SCRG1: variants seen among roughly 807,000 people sequenced by gnomAD.
SCRG1 encodes the protein scrapie-responsive protein 1.
SCRG1 carries 3 observed loss-of-function variants against 7.7 expected under a neutral mutation model. The ratio of observed to expected loss-of-function variants is 0.39; its 90% CI spans 0.18 to 1.01. The LOEUF is 1.01. SCRG1 is among the 50% of genes least tolerant of loss of function. SCRG1 has a pLI of 0.36. For missense variants in SCRG1, 110 were observed against 117.2 expected, an observed-to-expected ratio of 0.94 and a Z score of 0.28; for synonymous variants, 46 against 41.2, an observed-to-expected ratio of 1.12 and a Z score of -0.44.
the SCRG1 span, among the ~76,000 whole-genome samples, chr4:173,463,269 A>ATTAT: frequency 2.0e-5 from 3 of 151,994 alleles, no homozygotes; most frequent in Admixed American, 6.6e-5. Context: ...TTTTGTTTTT[A>ATTAT]TTATTTATTT....
At chr4:173,517,673 C>A in the SCRG1 span, among the ~76,000 whole-genome samples, 2 of 152,184 alleles carry the variant, frequency 1.3e-5, no homozygotes, top group African/African-American at 4.8e-5. Flanking sequence ...TTTTAAAAAA[C>A]TGAGTCTGTG....
At chr4:173,516,582 G>C in the SCRG1 span, among the ~76,000 whole-genome samples, 1 of 152,172 alleles carries the variant, frequency 6.6e-6, no homozygotes, top group East Asian at 1.9e-4. Context: ...ATATTCCTCT[G>C]CTCCTCTCAG....
At chr4:173,461,477 C>T in the SCRG1 span, among the ~76,000 whole-genome samples, 3 of 152,210 alleles carry the variant, frequency 2.0e-5, no homozygotes, top group East Asian at 1.9e-4. Flanking sequence ...AGTATCTCTA[C>T]GAGACTGCAA....
chr4:173,451,206 T>G, the SCRG1 span, among the ~76,000 whole-genome samples: 1 of 150,814 alleles, frequency 6.6e-6, no homozygotes, highest in African/African-American at 2.4e-5. Context: ...TATCCTGTTT[T>G]TTTGAGAAGA....
chr4:173,430,302 T>G, the SCRG1 span, among the ~76,000 whole-genome samples: 18 of 152,198 alleles, frequency 1.2e-4, 2 homozygotes, highest in African/African-American at 4.3e-4. Context: ...GGGTTTGAGT[T>G]TTTACTATCT....
chr4:173,440,509 C>T, the SCRG1 span, among the ~76,000 whole-genome samples: 10 of 152,098 alleles, frequency 6.6e-5, no homozygotes, highest in African/African-American at 2.4e-4. Context: ...GTGCTGAGGA[C>T]ACAGAAATTA....
chr4:173,456,092 T>A, the SCRG1 span, among the ~76,000 whole-genome samples: 6 of 152,106 alleles, frequency 3.9e-5, no homozygotes, highest in African/African-American at 1.4e-4. Flanking sequence ...GACTTCTCTG[T>A]CATTTGAGAC....
the SCRG1 span, among the ~76,000 whole-genome samples, chr4:173,446,414 C>A: frequency 2.0e-5 from 3 of 151,614 alleles, no homozygotes; most frequent in South Asian, 6.3e-4. Flanking sequence ...GGGGGAAAAG[C>A]CAATTTTAAT....
At chr4:173,407,616 CATTT>C (rs140722986), upstream of SCRG1, among the ~76,000 whole-genome samples, 247 of 152,310 alleles carry the variant, frequency 1.6e-3, 6 homozygotes, top group East Asian at 0.026. Flanking sequence ...ATCTTTTTAA[CATTT>C]ATTTTTCAGG....
the SCRG1 span, among the ~76,000 whole-genome samples, chr4:173,475,903 G>C: frequency 4.4e-4 from 67 of 151,988 alleles, no homozygotes; most frequent in Non-Finnish European, 9.0e-4. Flanking sequence ...CAAATTCATA[G>C]AGACAGAAAG....
the SCRG1 span, among the ~76,000 whole-genome samples, chr4:173,483,584 G>T: frequency 0.49 from 6,191 of 12,578 alleles, 948 homozygotes; most frequent in East Asian, 0.56. Context: ...TAATATATAT[G>T]ATATATTATA....
intron 1 of SCRG1, among the ~76,000 whole-genome samples, chr4:173,405,131 A>G (rs1416861825): frequency 1.3e-5 from 2 of 152,166 alleles, no homozygotes; most frequent in Admixed American, 1.3e-4. Context: ...ATTTAGTTGT[A>G]GTGTCTCTTC....
chr4:173,509,663 G>T, the SCRG1 span, among the ~76,000 whole-genome samples: 2 of 152,060 alleles, frequency 1.3e-5, no homozygotes, highest in Non-Finnish European at 2.9e-5. The surrounding 1 kb of genome is among the most constrained non-coding windows in gnomAD (Gnocchi z 5.7). Context: ...CCTGGGCCGC[G>T]CGGCTGCAGC....
At chr4:173,508,962 C>T in the SCRG1 span, among the ~76,000 whole-genome samples, 1 of 152,180 alleles carries the variant, frequency 6.6e-6, no homozygotes, top group African/African-American at 2.4e-5. This position sits in a 1 kb window ranked among gnomAD's most constrained non-coding sequence, Gnocchi z 4.4. Flanking sequence ...GGCGAGATAG[C>T]CAGCTTCCCT....
chr4:173,460,772 C>T, the SCRG1 span, among the ~76,000 whole-genome samples: 1 of 152,294 alleles, frequency 6.6e-6, no homozygotes, highest in Non-Finnish European at 1.5e-5. Flanking sequence ...CTAGGGTCCA[C>T]GATTCCAGGA....
Position 173,405,160 on chromosome 4 carries a change from G to A in SCRG1, c.-747-728C>T, listed in dbSNP as rs117277617. 7.7e-3 allele frequency among the ~76,000 whole-genome samples: 1,167 copies of A among 152,220 alleles called. 16 individuals carry two copies. Among genetic ancestry groups the A allele is most frequent in the East Asian group, 0.025 (132 of 5,178 alleles). ...TCTCTTCAGGCTCCTCAGTGTCTCC[G>A]ACTTTGCCTGTTTTTGATGACTTTG... On this transcript the variant is annotated intron_variant and NMD_transcript_variant, in intron 1 of 8. Coordinates refer to the SCRG1 transcript ENST00000512188.
the SCRG1 span, among the ~76,000 whole-genome samples, chr4:173,502,937 C>T: frequency 1.3e-5 from 2 of 152,162 alleles, no homozygotes; most frequent in African/African-American, 4.8e-5. This position sits in a 1 kb window ranked among gnomAD's most constrained non-coding sequence, Gnocchi z 4.6. Flanking sequence ...TGTTTACTTC[C>T]CTTAGTGGAA....
At chr4:173,407,373 TA>T (rs987911610), upstream of SCRG1, among the ~76,000 whole-genome samples, 671 of 146,506 alleles carry the variant, frequency 4.6e-3, 9 homozygotes, top group African/African-American at 0.014. Flanking sequence ...AAAAATACAT[TA>T]AAAAAAAAAA....
chr4:173,443,118 T>C, the SCRG1 span, among the ~76,000 whole-genome samples: 5 of 152,196 alleles, frequency 3.3e-5, no homozygotes, highest in Admixed American at 3.3e-4. Context: ...CTATTCTCTT[T>C]AATGCATATC....
Sources: allele counts gnomAD v4.1 joint callset (sites outside exome capture counted in the v4.1 genomes callset), GRCh38; gene constraint gnomAD v4.1.1; non-coding constraint Gnocchi (gnomAD v3.1); transcripts MANE v1.5; gene names NCBI Gene and HGNC (gene_info 2026-07-23, HGNC 2026-07-21).